The following CEP63 variants were observed in gnomAD, a reference collection of about 807,000 sequenced individuals.
CEP63 encodes the protein centrosomal protein of 63 kDa.
Under a neutral mutation model 89.1 loss-of-function variants are expected in CEP63, and 84 were observed. The observed-to-expected ratio is 0.94, with a 90% CI of 0.79 to 1.13. CEP63 has a LOEUF of 1.13. CEP63 is among the 50% of genes most tolerant of loss of function. The pLI is 0.00. For synonymous variants in CEP63, 267 were observed against 272.5 expected, an observed-to-expected ratio of 0.98 and a Z score of 0.20; for missense variants, 838 against 813.3, an observed-to-expected ratio of 1.03 and a Z score of -0.37.
chr3:134,536,420 G>T (rs1278246939), intron 5 of CEP63: 1 of 153,190 alleles, frequency 6.5e-6, no homozygotes, highest in African/African-American at 2.4e-5. Flanking sequence ...GGAAGACAGT[G>T]ATAGAAAGAT....
intron 3 of CEP63, among the ~76,000 whole-genome samples, chr3:134,514,152 GAATT>G (rs1945668361): frequency 1.3e-5 from 2 of 151,944 alleles, no homozygotes; most frequent in African/African-American, 4.8e-5. Flanking sequence ...TTTCGAAAAA[GAATT>G]AAAAACTGTA....
At chr3:134,643,824 T>A in the CEP63 span, among the ~76,000 whole-genome samples, 1 of 125,326 alleles carries the variant, frequency 8.0e-6, no homozygotes, top group Admixed American at 9.2e-5. Flanking sequence ...TTGAGTCTCC[T>A]GCTTCTTTTT....
the CEP63 span, among the ~76,000 whole-genome samples, chr3:134,645,662 G>A: frequency 1.3e-5 from 2 of 152,200 alleles, no homozygotes; most frequent in Non-Finnish European, 2.9e-5. Context: ...TGGTAGAAGC[G>A]TCATTTTTTC....
At chr3:134,620,745 C>CT in the CEP63 span, 1 of 1,609,698 alleles carries the variant, frequency 6.2e-7, no homozygotes, top group African/African-American at 1.3e-5. Context: ...ACAGGGGGGC[C>CT]TACCTATGTG....
At chr3:134,659,968 G>A in the CEP63 span, among the ~76,000 whole-genome samples, 3 of 152,296 alleles carry the variant, frequency 2.0e-5, no homozygotes, top group East Asian at 1.9e-4. Context: ...TTAGTCTCAC[G>A]TGTGCAGGCA....
At chr3:134,544,022 T>C (rs1273811593) in intron 6 of CEP63, among the ~76,000 whole-genome samples, 1 of 152,032 alleles carries the variant, frequency 6.6e-6, no homozygotes, top group Non-Finnish European at 1.5e-5. Context: ...AAACAGTATT[T>C]GTCTATCTCT....
intron 1 of CEP63, among the ~76,000 whole-genome samples, chr3:134,488,715 A>G (rs1936560716): frequency 6.6e-6 from 1 of 152,228 alleles, no homozygotes; most frequent in Non-Finnish European, 1.5e-5. Context: ...GTCGGTGTTG[A>G]GAAATTGTCT....
the CEP63 span, among the ~76,000 whole-genome samples, chr3:134,656,697 G>A: frequency 2.0e-5 from 3 of 152,164 alleles, no homozygotes; most frequent in Admixed American, 6.5e-5. Flanking sequence ...GTGAAGTGGG[G>A]AACTGGGCTC....
chr3:134,574,676 C>T (rs1013238760), intron 11 of CEP63: 4 of 427,518 alleles, frequency 9.4e-6, no homozygotes, highest in South Asian at 6.0e-5. Flanking sequence ...GGTGCAGTCA[C>T]GGCTTACTGC....
chr3:134,570,693 G>T (rs980475122), intron 11 of CEP63, among the ~76,000 whole-genome samples: 2 of 152,200 alleles, frequency 1.3e-5, no homozygotes, highest in African/African-American at 4.8e-5. Context: ...CAGTTCCAAA[G>T]TCGCTTCCAC....
the CEP63 span, among the ~76,000 whole-genome samples, chr3:134,764,056 C>G: frequency 6.6e-6 from 1 of 152,198 alleles, no homozygotes; most frequent in Non-Finnish European, 1.5e-5. Flanking sequence ...GCAAACTGTA[C>G]AAGACATGGG....
intron 6 of CEP63, 122 bp from the exon 7 acceptor site, chr3:134,545,464 A>C (rs924268388): frequency 9.4e-6 from 7 of 746,172 alleles, no homozygotes; most frequent in Non-Finnish European, 1.6e-5. Context: ...CAATATATAT[A>C]TATATATTTT....
rs112439499 is a variant in CEP63, at chr3:134,490,407, T to G, written c.-26+4205T>G. 7.0e-3 allele frequency among the ~76,000 whole-genome samples: 1,068 copies of G among 152,256 alleles called. 12 individuals are homozygous for G. Among genetic ancestry groups the G allele is most frequent in the African/African-American group, 0.025 (1,027 of 41,544 alleles). On this transcript the variant is annotated intron_variant, in intron 1 of 14. Transcript: ENST00000675561. ...ACAGGCTATTTTATTATCAATATGA[T>G]TCCTGAATAGTGCTTAGGATTTCTT...
chr3:134,507,372 G>T, intron 3 of CEP63, 86 bp downstream of exon 3: 1 of 987,820 alleles, frequency 1.0e-6, no homozygotes, highest in South Asian at 1.5e-5. Flanking sequence ...GTTGAAGAAA[G>T]AATTTGTATA....
chr3:134,566,019 TGG>T (rs1489513230), downstream of CEP63, among the ~76,000 whole-genome samples: 3 of 152,176 alleles, frequency 2.0e-5, no homozygotes, highest in Non-Finnish European at 2.9e-5. Flanking sequence ...AAAGCTCTCA[TGG>T]CCTGAAAAGG....
the CEP63 span, among the ~76,000 whole-genome samples, chr3:134,757,863 C>A: frequency 6.6e-6 from 1 of 152,046 alleles, no homozygotes; most frequent in African/African-American, 2.4e-5. Context: ...CTGAGCACTT[C>A]CATGTGCCCC....
the CEP63 span, chr3:134,608,377 A>C: frequency 1.4e-6 from 2 of 1,393,148 alleles, no homozygotes; most frequent in Non-Finnish European, 1.9e-6. Flanking sequence ...GGAAACCTGC[A>C]GCCTTCAGAC....
chr3:134,533,719 G>T (rs1950258777), intron 5 of CEP63, among the ~76,000 whole-genome samples: 1 of 152,096 alleles, frequency 6.6e-6, no homozygotes, highest in African/African-American at 2.4e-5. Context: ...TAGGACCTAG[G>T]GATCTGCATT....
At chr3:134,500,391 G>A (rs1941596847) in intron 2 of CEP63, among the ~76,000 whole-genome samples, 1 of 152,224 alleles carries the variant, frequency 6.6e-6, no homozygotes, top group East Asian at 1.9e-4. Context: ...GATTGGTGTT[G>A]CGATGAACAT....
Sources: gnomAD v4.1 joint callset for allele counts (sites outside exome capture counted in the v4.1 genomes callset) on GRCh38, gnomAD v4.1.1 for gene constraint, MANE v1.5 for transcripts, NCBI Gene and HGNC (gene_info 2026-07-23, HGNC 2026-07-21) for gene names.